SLC38A4: variants seen among roughly 807,000 people sequenced by gnomAD.
The protein encoded by SLC38A4 is solute carrier family 38 member 4.
A neutral mutation model predicts 63.1 loss-of-function variants in SLC38A4; 20 were observed. That is an observed-to-expected ratio of 0.32 (90% confidence interval 0.22 to 0.46). The LOEUF is 0.46. Ranked by LOEUF, SLC38A4 falls within the 20% of genes least tolerant of loss-of-function variation. SLC38A4 has a pLI of 1.00. For missense variants in SLC38A4, 526 were observed against 663.6 expected, an observed-to-expected ratio of 0.79 and a Z score of 2.28; for synonymous variants, 230 against 225.5, an observed-to-expected ratio of 1.02 and a Z score of -0.18.
In SLC38A4 at chr12:46,788,053, T is replaced by G. The variant is rs370373771; in HGVS notation, c.211-22A>C. 20 of 1,579,612 alleles carry G rather than the reference T, an allele frequency of 1.3e-5. No homozygotes were observed. The African/African-American group carries it at 2.0e-4, about 16-fold the overall frequency. On this transcript the variant is annotated intron_variant, in intron 4 of 16. Transcript: ENST00000266579. Reference sequence around the variant, plus strand: ...GATGCTTGAAAAAGAAGGGATGTATTATAAGCAAACATTTGCCAAAGGGCA... The same window carrying G: ...GATGCTTGAAAAAGAAGGGATGTATGATAAGCAAACATTTGCCAAAGGGCA...
At chr12:46,769,026 T>C (rs536241499) in intron 15 of SLC38A4, among the ~76,000 whole-genome samples, 53 of 152,218 alleles carry the variant, frequency 3.5e-4, no homozygotes, top group African/African-American at 1.3e-3. Context: ...CCAAGGTATA[T>C]GACTTGACTT....
chr12:46,827,849 A>G (rs1939680660), upstream of SLC38A4, among the ~76,000 whole-genome samples: 1 of 152,160 alleles, frequency 6.6e-6, no homozygotes. Context: ...TCCTAACATT[A>G]AAAGCAATCA....
upstream of SLC38A4, among the ~76,000 whole-genome samples, chr12:46,826,765 C>T (rs966547797): frequency 1.3e-5 from 2 of 152,182 alleles, no homozygotes; most frequent in African/African-American, 4.8e-5. Context: ...ATCCACATTA[C>T]CTTGCCTACC....
rs1242382140 is a variant in SLC38A4, at chr12:46,772,261, G to A, written c.1299+2788C>T. On this transcript the variant is annotated intron_variant, in intron 14 of 16. Transcript: ENST00000266579. ...TCCACTGCAGTTGATAGCAATATAC[G>A]CTGCATTTCTATGTTGATATCTATA... is the stretch of plus-strand genomic sequence containing the variant. Among the ~76,000 whole-genome samples the A allele has an allele frequency of 4.6e-5, 7 of 152,106 alleles. No individual in the cohort carries two copies. The East Asian group carries it at 9.7e-4, about 21-fold the overall frequency.
chr12:46,828,382 C>T (rs143272019), upstream of SLC38A4, among the ~76,000 whole-genome samples: 156 of 152,234 alleles, frequency 1.0e-3, no homozygotes, highest in South Asian at 1.7e-3. Context: ...AGTGCAGTGG[C>T]ATGATCTTGG....
chr12:46,775,396 T>C (rs186612262), intron 13 of SLC38A4, among the ~76,000 whole-genome samples: 3 of 152,154 alleles, frequency 2.0e-5, no homozygotes, highest in Admixed American at 1.3e-4. Flanking sequence ...TAATACAAAA[T>C]AAAGAGCCTC....
intron 2 of SLC38A4, among the ~76,000 whole-genome samples, chr12:46,802,274 A>G (rs895407354): frequency 7.2e-5 from 11 of 152,094 alleles, no homozygotes; most frequent in African/African-American, 2.7e-4. Flanking sequence ...AGCATACATG[A>G]TATTAACATA....
intron 1 of SLC38A4, among the ~76,000 whole-genome samples, chr12:46,806,739 C>A (rs1939240758): frequency 6.6e-6 from 1 of 151,762 alleles, no homozygotes; most frequent in Non-Finnish European, 1.5e-5. Context: ...ATTTCAACAC[C>A]CGTTTCATCA....
At chr12:46,817,000 T>G (rs1361564596) in intron 1 of SLC38A4, among the ~76,000 whole-genome samples, 1 of 151,714 alleles carries the variant, frequency 6.6e-6, no homozygotes, top group Non-Finnish European at 1.5e-5. Context: ...GAAAAGTCCA[T>G]GACCGGAAAA....
intron 1 of SLC38A4, among the ~76,000 whole-genome samples, chr12:46,815,592 T>C (rs946734010): frequency 6.6e-6 from 1 of 151,816 alleles, no homozygotes; most frequent in Non-Finnish European, 1.5e-5. Context: ...TGGCTGTATA[T>C]TTTTAAATCA....
intron 3 of SLC38A4, among the ~76,000 whole-genome samples, chr12:46,791,333 C>T (rs746251000): frequency 5.9e-5 from 9 of 152,178 alleles, no homozygotes; most frequent in South Asian, 2.1e-4. Context: ...AGTCAGGCAA[C>T]TACTCTGCAG....
intron 2 of SLC38A4, among the ~76,000 whole-genome samples, chr12:46,795,809 T>G (rs1938990442): frequency 6.6e-6 from 1 of 151,718 alleles, no homozygotes; most frequent in Non-Finnish European, 1.5e-5. Flanking sequence ...TTATAGATAA[T>G]TTATCGATGG....
chr12:46,794,513 G>A (rs1020519562), intron 2 of SLC38A4, among the ~76,000 whole-genome samples: 1 of 151,252 alleles, frequency 6.6e-6, no homozygotes, highest in Non-Finnish European at 1.5e-5. Flanking sequence ...AAGGAGAACA[G>A]GCTGTTGCAA....
At chr12:46,822,973 G>C (rs1939581422) in intron 1 of SLC38A4, among the ~76,000 whole-genome samples, 1 of 152,150 alleles carries the variant, frequency 6.6e-6, no homozygotes, top group African/African-American at 2.4e-5. Flanking sequence ...TAGTTTAAAA[G>C]TAATTATACA....
chr12:46,804,321 A>C (rs1473038765), intron 1 of SLC38A4, among the ~76,000 whole-genome samples: 1 of 151,956 alleles, frequency 6.6e-6, no homozygotes, highest in Non-Finnish European at 1.5e-5. Flanking sequence ...TATTTTCTGC[A>C]TTAAAAAAAA....
intron 1 of SLC38A4, among the ~76,000 whole-genome samples, chr12:46,823,509 T>C (rs1319667066): frequency 1.3e-5 from 2 of 152,242 alleles, no homozygotes; most frequent in Admixed American, 1.3e-4. Context: ...CATTGCCAGC[T>C]ACACTCCATC....
At chr12:46,804,277 G>A (rs1211078601) in intron 1 of SLC38A4, among the ~76,000 whole-genome samples, 1 of 151,754 alleles carries the variant, frequency 6.6e-6, no homozygotes, top group African/African-American at 2.4e-5. Context: ...TAGGCAAAAG[G>A]CTGTTTGGCA....
At chr12:46,792,638 A>G (rs1228509678) in intron 3 of SLC38A4, among the ~76,000 whole-genome samples, 1 of 152,116 alleles carries the variant, frequency 6.6e-6, no homozygotes, top group Admixed American at 6.6e-5. Flanking sequence ...AAGAATCCCT[A>G]CAGAAACCAG....
At chr12:46,804,130 A>G (rs2465606) in intron 1 of SLC38A4, among the ~76,000 whole-genome samples, 150,186 of 152,132 alleles carry the variant, frequency 0.99, 74,141 homozygotes, top group Middle Eastern at 1. Context: ...ATTTTCTTTT[A>G]AGTTGTTGAT....
Sources: gnomAD v4.1 joint callset for allele counts (sites outside exome capture counted in the v4.1 genomes callset) on GRCh38, gnomAD v4.1.1 for gene constraint, MANE v1.5 for transcripts, NCBI Gene and HGNC (gene_info 2026-07-23, HGNC 2026-07-21) for gene names.